The following MEIOC variants were observed in gnomAD, a reference collection of about 807,000 sequenced individuals.
The protein encoded by MEIOC is meiosis-specific coiled-coil domain-containing protein MEIOC.
In MEIOC, 9 loss-of-function variants were observed where a neutral mutation model predicts 85.3. The observed-to-expected ratio is 0.11, with a 90% CI of 0.06 to 0.18. MEIOC has a LOEUF of 0.18. Among genes scored for constraint, MEIOC ranks in the 10% least tolerant of loss-of-function variants. MEIOC has a pLI of 1.00. For synonymous variants in MEIOC, 365 were observed against 393.7 expected (o/e 0.93, Z 0.86); for missense variants, 898 against 1,129.4 (o/e 0.80, Z 2.94).
At chr17:44,673,791 A>T in intron 7 of MEIOC, 185 bp from the exon 8 acceptor site, 6 of 776,412 alleles carry the variant, frequency 7.7e-6, no homozygotes, top group Non-Finnish European at 1.2e-5. Context: ...CAAGTCAGAA[A>T]TAAAGTATCA....
chr17:44,670,538 C>CTTTTTTTTTTTTTTTGTTTTTTT (rs1971989407), intron 6 of MEIOC: 1 of 70,002 alleles, frequency 1.4e-5, no homozygotes, highest in Non-Finnish European at 2.9e-5. Flanking sequence ...ACTATCTTTC[C>CTTTTTTTTTTTTTTTGTTTTTTT]TTTTTTTTTT....
chr17:44,660,234 T>TTTA (rs1555666344), intron 2 of MEIOC, among the ~76,000 whole-genome samples: 1 of 151,622 alleles, frequency 6.6e-6, no homozygotes, highest in African/African-American at 2.4e-5. Flanking sequence ...TTTTATTTTA[T>TTTA]TTTATTTATT....
At chr17:44,658,011 C>T (rs1971789185) in intron 2 of MEIOC, among the ~76,000 whole-genome samples, 1 of 151,672 alleles carries the variant, frequency 6.6e-6, no homozygotes, top group Non-Finnish European at 1.5e-5. Flanking sequence ...GCCATCATGC[C>T]CGGCTAATTT....
Position 44,667,393 on chromosome 17 carries a change from A to G in MEIOC, c.1482A>G (p.Gln494=), listed in dbSNP as rs1971924999. The G allele has an allele frequency of 2.5e-6, 4 of 1,613,756 alleles. No individual in the cohort carries two copies. Among genetic ancestry groups the G allele is most frequent in the African/African-American group, 2.7e-5 (2 of 74,936 alleles). Residue 494 remains glutamine, a synonymous_variant, in exon 5 of 8, where the codon CAA becomes CAG. Coordinates refer to ENST00000409122, the MANE Select transcript of MEIOC (RefSeq NM_001145080.3). ...ACACTCCTATTCCTTATCGAAATCA[A>G]GGTAACTTGATGAAATTAAATAGTC... ...KNNTPIPYRN[Q]GNLMKLNSHL...
At position 44,666,984 on chromosome 17, in the gene MEIOC, C is replaced by G. The variant is rs370850886; in HGVS notation, c.1073C>G (p.Pro358Arg). 14 of 1,613,222 alleles carry G rather than the reference C, an allele frequency of 8.7e-6. No homozygotes were observed. The African/African-American group carries it at 1.9e-4, about 22-fold the overall frequency. Residue 358 changes from proline to arginine, a missense_variant, in exon 5 of 8, where the codon CCT (proline) becomes CGT (arginine). Coordinates refer to ENST00000409122, the MANE Select transcript of MEIOC (RefSeq NM_001145080.3). ...AGCAAAAAATTAGCCAATGGCACAC[C>G]TGAAACACCAACTGTAGAAGCAGAC... ...QDSKKLANGT[P>R]ETPTVEADTY...
At position 44,669,414 on chromosome 17, in the gene MEIOC, GA is replaced by G. The variant is rs746201258; in HGVS notation, c.2361del (p.Val788TyrfsTer12). ...TELALAKNYP[G>X]KKVSSTNNTP... The stretch of plus-strand genomic sequence containing the variant: ...TTAGCCCTTGCCAAGAATTATCCTG[GA>G]AAAAAAGTATCCAGTACTAACAACA... On this transcript the variant is annotated frameshift_variant, in exon 6 of 8. Coordinates refer to ENST00000409122, the MANE Select transcript of MEIOC (RefSeq NM_001145080.3). LOFTEE classifies it high-confidence loss of function. 13 of 1,572,820 alleles carry G rather than the reference GA, an allele frequency of 8.3e-6. No individual in the cohort carries two copies. Among genetic ancestry groups the G allele is most frequent in the Non-Finnish European group, 1.1e-5 (13 of 1,157,958 alleles).
intron 2 of MEIOC, among the ~76,000 whole-genome samples, chr17:44,658,993 AT>A (rs1971809594): frequency 6.6e-6 from 1 of 151,928 alleles, no homozygotes; most frequent in Non-Finnish European, 1.5e-5. Context: ...AAAGGTGAAA[AT>A]TTCACTTTAC....
chr17:44,668,759 AATGAAG>A (rs1223262637), intron 5 of MEIOC, among the ~76,000 whole-genome samples: 2 of 152,208 alleles, frequency 1.3e-5, no homozygotes, highest in African/African-American at 4.8e-5. Flanking sequence ...AGCTTAAATA[AATGAAG>A]ATGAAAAATG....
intron 4 of MEIOC, among the ~76,000 whole-genome samples, chr17:44,665,696 A>G (rs1971893978): frequency 6.6e-6 from 1 of 152,168 alleles, no homozygotes; most frequent in Admixed American, 6.5e-5. Flanking sequence ...AAGGACTTTC[A>G]TTGAAAAATT....
At chr17:44,658,653 G>A (rs1971802806) in intron 2 of MEIOC, among the ~76,000 whole-genome samples, 1 of 151,422 alleles carries the variant, frequency 6.6e-6, no homozygotes, top group Non-Finnish European at 1.5e-5. Flanking sequence ...AAATCAGCCG[G>A]GTGTGGGGGC....
At chr17:44,665,345 C>G in intron 3 of MEIOC, 39 bp from the exon 4 acceptor site, 3 of 1,292,712 alleles carry the variant, frequency 2.3e-6, no homozygotes, top group Non-Finnish European at 2.1e-6. Flanking sequence ...AAAGAGTAAT[C>G]AATATATTGT....
At position 44,670,509 on chromosome 17, in the gene MEIOC, G is replaced by GGTAAC. The variant is rs1382384939; in HGVS notation, c.2457+993_2457+997dup. On this transcript the variant is annotated intron_variant, in intron 6 of 7. Coordinates refer to ENST00000409122, the MANE Select transcript of MEIOC (RefSeq NM_001145080.3). The stretch of plus-strand genomic sequence containing the variant: ...TGAGCAAGCTGTGCTTACATAAGAT[G>GGTAAC]GTAACTTAATAGGGAATTACTATCT... The GGTAAC allele has an allele frequency of 6.4e-5, 8 of 125,040 alleles. No individual in the cohort carries two copies. The East Asian group carries it at 1.6e-3, about 25-fold the overall frequency. 7.7% of individuals were successfully genotyped at this position (125,040 alleles called of 1,614,324 possible). A position where few individuals can be genotyped will look rare whatever the true frequency, so the allele number is the denominator to read the frequency against.
intron 2 of MEIOC, among the ~76,000 whole-genome samples, chr17:44,661,582 C>T (rs1297972993): frequency 1.3e-5 from 2 of 152,034 alleles, no homozygotes; most frequent in African/African-American, 2.4e-5. Flanking sequence ...GACAGAGTCT[C>T]GCTCTGTCGC....
intron 3 of MEIOC, among the ~76,000 whole-genome samples, 192 bp downstream of exon 3, chr17:44,662,663 T>A (rs997999508): frequency 6.6e-6 from 1 of 152,212 alleles, no homozygotes; most frequent in Non-Finnish European, 1.5e-5. Context: ...CTTTGTTTTG[T>A]TTTGTTGAGA....
intron 6 of MEIOC, chr17:44,673,078 C>T (rs1012774343): frequency 3.4e-6 from 1 of 293,798 alleles, no homozygotes; most frequent in African/African-American, 2.2e-5. Context: ...AGTATCAGAT[C>T]TTGTATTTGC....
chr17:44,673,804 A>C, intron 7 of MEIOC, 172 bp from the exon 8 acceptor site: 1 of 810,908 alleles, frequency 1.2e-6, no homozygotes, highest in Non-Finnish European at 1.9e-6. Flanking sequence ...AAGTATCAAT[A>C]CTTTTAAATA....
At chr17:44,669,008 C>A (rs942432761) in intron 5 of MEIOC, among the ~76,000 whole-genome samples, 51 of 152,108 alleles carry the variant, frequency 3.4e-4, no homozygotes, top group Non-Finnish European at 1.5e-5. Flanking sequence ...TGGAGACCAG[C>A]CTGGCCAACA....
chr17:44,657,378 CTTTTTTT>C (rs35032511), intron 2 of MEIOC, 117 bp downstream of exon 2: 132 of 295,880 alleles, frequency 4.5e-4, no homozygotes, highest in Middle Eastern at 1.1e-3. Context: ...CCAGGGAAAA[CTTTTTTT>C]TTTTTTTTTT....
rs1972066970 is a variant in MEIOC, at chr17:44,675,714, T to C, written c.*1518T>C. On this transcript the variant is annotated 3_prime_UTR_variant, in exon 8 of 8. Transcript: ENST00000409122. Reference sequence around the variant, plus strand: ...AGTCACTGCATAGAAAGTGGTTAAGTTTAACATAAGACATGTTGGATGTTA... The same window carrying C: ...AGTCACTGCATAGAAAGTGGTTAAGCTTAACATAAGACATGTTGGATGTTA... The C allele has an allele frequency of 2.0e-6, 2 of 982,440 alleles. No individual in the cohort carries two copies. The highest frequency in any genetic ancestry group is 2.4e-6 in the Non-Finnish European group (2 of 827,232). 60.9% of individuals were successfully genotyped at this position (982,440 alleles called of 1,614,324 possible).
Sources: allele counts gnomAD v4.1 joint callset (sites outside exome capture counted in the v4.1 genomes callset), GRCh38; gene constraint gnomAD v4.1.1; transcripts MANE v1.5; gene names NCBI Gene and HGNC (gene_info 2026-07-23, HGNC 2026-07-21).